SND1: variants seen among roughly 807,000 people sequenced by gnomAD.
SND1 encodes staphylococcal nuclease and tudor domain containing 1.
A neutral mutation model predicts 121.7 loss-of-function variants in SND1; 38 were observed. The observed-to-expected ratio is 0.31, with a 90% CI of 0.24 to 0.41. The LOEUF (loss-of-function observed/expected upper bound fraction) is 0.41. SND1 is among the 10% of genes least tolerant of loss of function. The pLI is 1.00. For missense variants in SND1, 868 were observed against 1,184.6 expected (o/e 0.73, Z 3.92); for synonymous variants, 401 against 447.4 (o/e 0.90, Z 1.31).
At chr7:127,901,669 T>C (rs1800234135) in intron 13 of SND1, among the ~76,000 whole-genome samples, 1 of 152,216 alleles carries the variant, frequency 6.6e-6, no homozygotes, top group Admixed American at 6.5e-5. Context: ...TTGTTAACTT[T>C]GAATTTTGCT....
intron 12 of SND1, among the ~76,000 whole-genome samples, chr7:127,865,628 G>A (rs960588938): frequency 3.3e-5 from 5 of 151,194 alleles, no homozygotes; most frequent in South Asian, 2.1e-4. Flanking sequence ...TGTTTGTTTC[G>A]TTTTTGAGAC....
intron 12 of SND1, among the ~76,000 whole-genome samples, chr7:127,884,779 T>C (rs1177829036): frequency 2.6e-5 from 4 of 152,128 alleles, no homozygotes; most frequent in Non-Finnish European, 5.9e-5. Flanking sequence ...TTATAGAACC[T>C]GAACCAACAT....
chr7:128,082,640 T>A (rs892945641), intron 18 of SND1, among the ~76,000 whole-genome samples: 5 of 152,176 alleles, frequency 3.3e-5, no homozygotes, highest in Non-Finnish European at 7.3e-5. Flanking sequence ...AGCAGTTGCC[T>A]GAATGAACCG....
intron 1 of SND1, among the ~76,000 whole-genome samples, chr7:127,673,770 T>TA: frequency 6.6e-6 from 1 of 152,364 alleles, no homozygotes; most frequent in Middle Eastern, 3.4e-3. Context: ...CTATTACTAT[T>TA]ATGTTGATTT....
At chr7:127,806,972 A>G in intron 10 of SND1, among the ~76,000 whole-genome samples, 1 of 152,148 alleles carries the variant, frequency 6.6e-6, no homozygotes, top group East Asian at 1.9e-4. Flanking sequence ...AAAAAGGAAG[A>G]AAAAAACTGC....
At chr7:127,823,256 G>A (rs1798581974) in intron 11 of SND1, among the ~76,000 whole-genome samples, 1 of 152,168 alleles carries the variant, frequency 6.6e-6, no homozygotes, top group African/African-American at 2.4e-5. Context: ...AGTCCAGCAA[G>A]ATTACAGTCT....
At chr7:127,967,552 A>G (rs1024917074) in intron 15 of SND1, among the ~76,000 whole-genome samples, 7 of 152,148 alleles carry the variant, frequency 4.6e-5, no homozygotes, top group South Asian at 2.1e-4. Context: ...AGCCAGAAAC[A>G]TGTCCTAAGA....
At chr7:127,875,033 ACT>A (rs550211841) in intron 12 of SND1, among the ~76,000 whole-genome samples, 10 of 152,074 alleles carry the variant, frequency 6.6e-5, no homozygotes, top group East Asian at 1.9e-4. Flanking sequence ...TGCTGGTGTC[ACT>A]CTGTTTTTCT....
intron 11 of SND1, among the ~76,000 whole-genome samples, chr7:127,834,900 A>G (rs975586066): frequency 6.6e-6 from 1 of 152,150 alleles, no homozygotes; most frequent in Admixed American, 6.5e-5. Flanking sequence ...GCTCATGGGC[A>G]TGCTGGAGAA....
chr7:127,975,476 C>G (rs1432262541), intron 15 of SND1, among the ~76,000 whole-genome samples: 1 of 151,314 alleles, frequency 6.6e-6, no homozygotes, highest in African/African-American at 2.4e-5. Flanking sequence ...ATTGACTCCC[C>G]TCTGCTTGCA....
At chr7:127,779,143 T>G (rs1209255234) in intron 10 of SND1, among the ~76,000 whole-genome samples, 2 of 152,196 alleles carry the variant, frequency 1.3e-5, no homozygotes, top group African/African-American at 4.8e-5. Context: ...TGGGGGGGAT[T>G]GTTGCAGCAC....
At chr7:127,787,362 G>A (rs1320276196) in intron 10 of SND1, among the ~76,000 whole-genome samples, 2 of 152,144 alleles carry the variant, frequency 1.3e-5, no homozygotes, top group Admixed American at 1.3e-4. Context: ...AGCCTCCCAA[G>A]TACCTGGTTC....
chr7:127,799,864 T>C (rs890486866), intron 10 of SND1, among the ~76,000 whole-genome samples: 6 of 152,236 alleles, frequency 3.9e-5, no homozygotes, highest in African/African-American at 1.4e-4. Flanking sequence ...TCTATGAGGC[T>C]TCTGTGTATG....
intron 2 of SND1, among the ~76,000 whole-genome samples, chr7:127,694,488 G>A (rs1285989217): frequency 6.6e-6 from 1 of 152,204 alleles, no homozygotes; most frequent in African/African-American, 2.4e-5. Context: ...CACATGGTAT[G>A]TGCTATAAAA....
chr7:127,665,457 G>A (rs931753192), intron 1 of SND1, among the ~76,000 whole-genome samples: 2 of 152,132 alleles, frequency 1.3e-5, no homozygotes, highest in Non-Finnish European at 2.9e-5. Flanking sequence ...GAAGTGCTGG[G>A]ATTACAGGCG....
intron 16 of SND1, among the ~76,000 whole-genome samples, chr7:128,065,385 G>C (rs1015081900): frequency 2.6e-5 from 4 of 152,244 alleles, no homozygotes; most frequent in African/African-American, 7.2e-5. Flanking sequence ...CATTGGGGGG[G>C]TCACAGGTCA....
intron 11 of SND1, among the ~76,000 whole-genome samples, chr7:127,811,364 A>G (rs542326255): frequency 6.6e-6 from 1 of 152,352 alleles, no homozygotes; most frequent in Admixed American, 6.5e-5. Flanking sequence ...AATGATCTCC[A>G]TGTGCACCAG....
intron 9 of SND1, among the ~76,000 whole-genome samples, chr7:127,709,143 C>T (rs992241037): frequency 1.3e-5 from 2 of 152,182 alleles, no homozygotes; most frequent in African/African-American, 4.8e-5. Context: ...TCCTGGCATC[C>T]TCCAGGTCTT....
intron 16 of SND1, among the ~76,000 whole-genome samples, chr7:128,013,326 G>A (rs73455755): frequency 0.015 from 2,209 of 152,318 alleles, 75 homozygotes; most frequent in African/African-American, 0.05. Flanking sequence ...TTGAGGGCAA[G>A]GACCAAGTCT....
Sources: gnomAD v4.1 joint callset for allele counts (sites outside exome capture counted in the v4.1 genomes callset) on GRCh38, gnomAD v4.1.1 for gene constraint, MANE v1.5 for transcripts, NCBI Gene and HGNC (gene_info 2026-07-23, HGNC 2026-07-21) for gene names.